FCHSD2: variants seen among roughly 807,000 people sequenced by gnomAD.
FCHSD2 encodes the protein FCH and double SH3 domains 2, also known as F-BAR and double SH3 domains protein 2.
A neutral mutation model predicts 108.1 loss-of-function variants in FCHSD2; 38 were observed. That is an observed-to-expected ratio of 0.35 (90% CI 0.27 to 0.46). The LOEUF (loss-of-function observed/expected upper bound fraction) is 0.46, where lower values mean the gene tolerates loss of function less well. FCHSD2 is among the 20% of genes least tolerant of loss of function. The pLI is 1.00. For synonymous variants in FCHSD2, 279 were observed against 314.7 expected, an observed-to-expected ratio of 0.89 and a Z score of 1.20; for missense variants, 751 against 897.8, an observed-to-expected ratio of 0.84 and a Z score of 2.09.
intron 2 of FCHSD2, among the ~76,000 whole-genome samples, chr11:73,122,106 G>T (rs1346386007): frequency 6.6e-6 from 1 of 152,054 alleles, no homozygotes; most frequent in African/African-American, 2.4e-5. Flanking sequence ...ATCTGTTTAG[G>T]ATAGTGGGGT....
At position 72,928,679 on chromosome 11, in the gene FCHSD2, A is replaced by G. The variant is rs116210869; in HGVS notation, c.706-6729T>C. ...ATCATGGATTGAATCTTATTTAAGT[A>G]GGTGAGAGGAGGCCCAAGTGATCAG... is the stretch of plus-strand genomic sequence containing the variant. On this transcript the variant is annotated intron_variant, in intron 8 of 19. Coordinates refer to ENST00000409418, the MANE Select transcript of FCHSD2 (RefSeq NM_014824.3). 4.9e-3 allele frequency among the ~76,000 whole-genome samples: 740 copies of G among 152,332 alleles called. 3 individuals are homozygous for G. The highest frequency in any genetic ancestry group is 0.015 in the African/African-American group (612 of 41,568).
At chr11:72,960,352 T>A (rs183172658) in intron 8 of FCHSD2, among the ~76,000 whole-genome samples, 2 of 152,198 alleles carry the variant, frequency 1.3e-5, no homozygotes, top group African/African-American at 4.8e-5. Context: ...CATTTCAACA[T>A]GCAATTTGGA....
intron 3 of FCHSD2, among the ~76,000 whole-genome samples, chr11:73,077,883 GT>G (rs1859594459): frequency 6.6e-6 from 1 of 152,190 alleles, no homozygotes; most frequent in South Asian, 2.1e-4. Flanking sequence ...TATAAATTGT[GT>G]GGCTTATTGT....
intron 3 of FCHSD2, among the ~76,000 whole-genome samples, chr11:73,029,613 A>G (rs1858311826): frequency 6.6e-6 from 1 of 152,140 alleles, no homozygotes; most frequent in South Asian, 2.1e-4. Flanking sequence ...GTGGAGGTGC[A>G]GACACAGAGG....
Position 72,962,786 on chromosome 11 carries a change from T to C in FCHSD2, c.705+21302A>G, listed in dbSNP as rs572504169. 1.5e-4 allele frequency among the ~76,000 whole-genome samples: 23 copies of C among 152,048 alleles called. No homozygotes were observed. The East Asian group carries it at 3.5e-3, about 23-fold the overall frequency. ...AAAAAAAAATCACACCAAAATGATA[T>C]CACAAAGGTCCCTCCTATTTTTTTT... On this transcript the variant is annotated intron_variant, in intron 8 of 19. Coordinates refer to ENST00000409418, the MANE Select transcript of FCHSD2 (RefSeq NM_014824.3).
intron 3 of FCHSD2, among the ~76,000 whole-genome samples, 155 bp downstream of exon 3, chr11:73,083,540 T>C (rs753401918): frequency 8.9e-5 from 13 of 145,272 alleles, no homozygotes; most frequent in Non-Finnish European, 1.4e-4. Context: ...AAAGCGAGAC[T>C]CCATCTCAGA....
At chr11:72,867,027 A>G (rs967494177) in intron 13 of FCHSD2, among the ~76,000 whole-genome samples, 2 of 152,232 alleles carry the variant, frequency 1.3e-5, no homozygotes, top group African/African-American at 4.8e-5. Flanking sequence ...TGTGCAGAGC[A>G]GAGAACCAGG....
chr11:73,139,633 C>G (rs949357122), intron 2 of FCHSD2, among the ~76,000 whole-genome samples: 2 of 152,236 alleles, frequency 1.3e-5, no homozygotes, highest in African/African-American at 4.8e-5. Context: ...ATATAACCAT[C>G]TGGGGTTGAC....
intron 8 of FCHSD2, among the ~76,000 whole-genome samples, chr11:72,961,637 T>C (rs1856821133): frequency 6.6e-6 from 1 of 152,178 alleles, no homozygotes; most frequent in South Asian, 2.1e-4. Flanking sequence ...AAGACAGCAA[T>C]TCCCTACCCT....
At chr11:72,994,617 T>G (rs143606848) in intron 5 of FCHSD2, among the ~76,000 whole-genome samples, 33 of 152,028 alleles carry the variant, frequency 2.2e-4, no homozygotes, top group African/African-American at 8.0e-4. Flanking sequence ...TACAAAAAAA[T>G]TAGCTGGGTG....
intron 14 of FCHSD2, among the ~76,000 whole-genome samples, chr11:72,846,462 G>A (rs550385021): frequency 1.3e-5 from 2 of 152,180 alleles, no homozygotes; most frequent in South Asian, 4.1e-4. Context: ...TTACAGGCGT[G>A]AGCTACCGTG....
intron 8 of FCHSD2, among the ~76,000 whole-genome samples, chr11:72,970,248 C>T (rs916823184): frequency 6.6e-6 from 1 of 152,164 alleles, no homozygotes; most frequent in Non-Finnish European, 1.5e-5. Flanking sequence ...GTGCTCACCA[C>T]CTCAAGTTTT....
At position 72,965,085 on chromosome 11, in the gene FCHSD2, G is replaced by A. The variant is rs186840540; in HGVS notation, c.705+19003C>T. Among the ~76,000 whole-genome samples, 173 of 152,154 alleles carry A rather than the reference G, an allele frequency of 1.1e-3. 1 individual carries two copies. In the Middle Eastern group the frequency reaches 0.027, roughly 24 times the overall value. On this transcript the variant is annotated intron_variant, in intron 8 of 19. Transcript: ENST00000409418. Reference sequence around the variant, plus strand: ...ATTACAGGCATGAGCCACCGCGCCTGGCCAATCATTTTACTTCTTAATTCA... The same window carrying A: ...ATTACAGGCATGAGCCACCGCGCCTAGCCAATCATTTTACTTCTTAATTCA...
intron 5 of FCHSD2, among the ~76,000 whole-genome samples, chr11:73,000,466 A>G (rs1224395374): frequency 2.6e-5 from 4 of 152,228 alleles, no homozygotes. Context: ...GTGTAATAAA[A>G]TATGTCCATT....
chr11:73,025,457 T>A (rs534518504), intron 3 of FCHSD2, among the ~76,000 whole-genome samples: 1 of 151,764 alleles, frequency 6.6e-6, no homozygotes, highest in South Asian at 2.1e-4. Flanking sequence ...CATGCACACA[T>A]AGAGGGGAAC....
intron 2 of FCHSD2, among the ~76,000 whole-genome samples, chr11:73,092,586 ATGTT>A (rs1414941226): frequency 2.0e-5 from 3 of 152,218 alleles, no homozygotes; most frequent in Non-Finnish European, 2.9e-5. Context: ...AGTTCAAAAA[ATGTT>A]TGCTGAATGA....
intron 1 of FCHSD2, 41 bp downstream of exon 1, chr11:73,141,816 G>A: frequency 6.5e-7 from 1 of 1,535,138 alleles, no homozygotes. Flanking sequence ...TTCCGCGTAC[G>A]CATCTCTCCG....
intron 8 of FCHSD2, among the ~76,000 whole-genome samples, chr11:72,924,439 G>T (rs1423881458): frequency 7.7e-6 from 1 of 129,930 alleles, no homozygotes; most frequent in African/African-American, 2.7e-5. Context: ...CACCACACCC[G>T]GCTTTTTTTT....
At chr11:72,847,281 A>G in intron 14 of FCHSD2, among the ~76,000 whole-genome samples, 1 of 152,212 alleles carries the variant, frequency 6.6e-6, no homozygotes, top group Admixed American at 6.5e-5. Context: ...TACAGGCATG[A>G]GCCATTGCAT....
Sources: gnomAD v4.1 joint callset for allele counts (sites outside exome capture counted in the v4.1 genomes callset) on GRCh38, gnomAD v4.1.1 for gene constraint, MANE v1.5 for transcripts, NCBI Gene and HGNC (gene_info 2026-07-23, HGNC 2026-07-21) for gene names.